Variants in PSEN2 observed in about 807,000 individuals in gnomAD.
PSEN2 encodes presenilin 2, also known as presenilin-2.
Under a neutral mutation model 49.1 loss-of-function variants are expected in PSEN2, and 32 were observed. That is an observed-to-expected ratio of 0.65 (90% CI 0.49 to 0.88). The LOEUF (loss-of-function observed/expected upper bound fraction) is 0.88. PSEN2 is among the 40% of genes least tolerant of loss of function. The pLI is 0.00. For synonymous variants in PSEN2, 255 were observed against 244.0 expected (o/e 1.05, Z -0.42); for missense variants, 522 against 586.9 (o/e 0.89, Z 1.14).
downstream of PSEN2, chr1:226,898,153 C>T (rs1196009832): frequency 6.6e-6 from 1 of 152,186 alleles, no homozygotes; most frequent in Non-Finnish European, 1.5e-5. Context: ...CGGGGTTTCA[C>T]CACGTTAGCC....
Position 226,894,101 on chromosome 1 carries a change from G to A in PSEN2, c.1167G>A (p.Leu389=), listed in dbSNP as rs781506963. Residue 389 remains leucine (L), a synonymous_variant, in exon 12 of 13, where the codon CTG becomes CTA. Transcript: ENST00000366783. Reference sequence around the variant, plus strand: ...GCAGCGGGGACTGGAATACCACGCTGGCCTGCTTCGTGGCCATCCTCATTG... The same window carrying A: ...GCAGCGGGGACTGGAATACCACGCTAGCCTGCTTCGTGGCCATCCTCATTG... ...ATGSGDWNTT[L]ACFVAILIGL... 1.9e-5 allele frequency: 31 copies of A among 1,614,064 alleles called. No individual in the cohort carries two copies. The highest frequency in any genetic ancestry group is 2.6e-5 in the Non-Finnish European group (31 of 1,180,010).
intron 5 of PSEN2, 24 bp downstream of exon 5, chr1:226,883,943 C>G: frequency 3.5e-6 from 4 of 1,158,186 alleles, no homozygotes; most frequent in South Asian, 2.4e-5. Flanking sequence ...CTGGGGGGAG[C>G]AGGGTGGGGT....
In PSEN2 at chr1:226,891,765, T is replaced by G. The variant is rs200044441; in HGVS notation, c.993T>G (p.Phe331Leu). ...CAGAAGAAGACTCCTATGACAGTTTTGGGGAGCCTTCATACCCCGAAGTCT... is the reference window on the plus strand; with the variant it reads ...CAGAAGAAGACTCCTATGACAGTTTGGGGGAGCCTTCATACCCCGAAGTCT... ...PEMEEDSYDS[F>L]GEPSYPEVFE... The change falls in exon 11 of 13, where the codon TTT becomes TTG. Residue 331 changes from phenylalanine to leucine, a missense_variant. By Grantham distance (22) the Phe-to-Leu change is conservative. Transcript: ENST00000366783. 6.2e-7 allele frequency: 1 copy of G among 1,614,124 alleles called. No homozygotes were observed.
chr1:226,890,635 C>G (rs1487476169), intron 9 of PSEN2: 2 of 224,674 alleles, frequency 8.9e-6, no homozygotes, highest in Admixed American at 1.0e-4. Context: ...AAAGGCACAT[C>G]AAGTCCCCAT....
chr1:226,893,914 C>A, intron 11 of PSEN2, 93 bp from the exon 12 acceptor site: 1 of 1,135,158 alleles, frequency 8.8e-7, no homozygotes, highest in Non-Finnish European at 1.3e-6. Context: ...CTGGGCTGGG[C>A]AAGAGCAGCT....
intron 3 of PSEN2, among the ~76,000 whole-genome samples, chr1:226,878,407 T>C (rs1660769153): frequency 6.6e-6 from 1 of 152,130 alleles, no homozygotes; most frequent in Non-Finnish European, 1.5e-5. Context: ...GACGTGGGAA[T>C]TGTAAGGAAC....
intron 6 of PSEN2, among the ~76,000 whole-genome samples, chr1:226,887,245 G>A (rs1322178543): frequency 1.3e-5 from 2 of 152,208 alleles, no homozygotes; most frequent in African/African-American, 4.8e-5. Flanking sequence ...GGGCAGCCAG[G>A]TGGTGGCTGG....
intron 3 of PSEN2, among the ~76,000 whole-genome samples, chr1:226,879,363 A>C (rs1660833642): frequency 6.6e-6 from 1 of 152,134 alleles, no homozygotes; most frequent in Non-Finnish European, 1.5e-5. Flanking sequence ...ACTCTGAGTG[A>C]AGAGGGAGGA....
downstream of PSEN2, among the ~76,000 whole-genome samples, chr1:226,901,434 CAAAAA>C (rs71179182): frequency 1.7e-5 from 2 of 117,756 alleles, no homozygotes; most frequent in African/African-American, 3.6e-5. Context: ...GAAACTGTCT[CAAAAA>C]AAAAAAAAAA....
At chr1:226,894,396 A>G (rs977657949) in intron 12 of PSEN2, among the ~76,000 whole-genome samples, 3 of 152,242 alleles carry the variant, frequency 2.0e-5, no homozygotes. Context: ...CACAGCCTCC[A>G]GGCCGAGGAC....
intron 3 of PSEN2, among the ~76,000 whole-genome samples, chr1:226,878,773 C>T (rs1292845444): frequency 1.3e-5 from 2 of 152,192 alleles, no homozygotes; most frequent in Non-Finnish European, 2.9e-5. Context: ...AACTGTCATA[C>T]TAGAAAAGGA....
intron 6 of PSEN2, among the ~76,000 whole-genome samples, chr1:226,887,817 T>C (rs1661461742): frequency 6.6e-6 from 1 of 152,220 alleles, no homozygotes; most frequent in East Asian, 1.9e-4. Flanking sequence ...ATTACCTTTC[T>C]AAGTGAACCA....
At chr1:226,880,805 C>G in intron 3 of PSEN2, 1 of 1,590,434 alleles carries the variant, frequency 6.3e-7, no homozygotes, top group Non-Finnish European at 8.6e-7. Context: ...CCTCCTGTCC[C>G]CTTGGCCTTG....
intron 7 of PSEN2, 102 bp downstream of exon 7, chr1:226,888,260 T>C: frequency 1.8e-6 from 2 of 1,110,818 alleles, no homozygotes; most frequent in Non-Finnish European, 2.7e-6. Flanking sequence ...ACCATCGAGC[T>C]CCAGTCTTCC....
downstream of PSEN2, among the ~76,000 whole-genome samples, chr1:226,897,356 G>A (rs1662184705): frequency 6.6e-6 from 1 of 152,174 alleles, no homozygotes; most frequent in Non-Finnish European, 1.5e-5. Context: ...GGGTTGCTGG[G>A]TGGAGACCAC....
rs200164062 is a variant in PSEN2, at chr1:226,895,582, G to T, written c.*3G>T. ...CCTCCCATCAGCTCTACATCTGAGGGACATGGTGTGCCACAGGCTGCAAGC... is the reference window on the plus strand; with the variant it reads ...CCTCCCATCAGCTCTACATCTGAGGTACATGGTGTGCCACAGGCTGCAAGC... On this transcript the variant is annotated 3_prime_UTR_variant, in exon 13 of 13. Transcript: ENST00000366783. 2 of 1,610,314 alleles carry T rather than the reference G, an allele frequency of 1.2e-6. No homozygotes were observed. The highest frequency in any genetic ancestry group is 3.4e-5 in the Admixed American group (2 of 59,488).
At chr1:226,900,203 G>A (rs1035257786), downstream of PSEN2, among the ~76,000 whole-genome samples, 1 of 152,160 alleles carries the variant, frequency 6.6e-6, no homozygotes, top group Admixed American at 6.5e-5. Flanking sequence ...TCCATCCTGG[G>A]GTTAAAATGA....
At chr1:226,877,388 A>G (rs887976509) in intron 3 of PSEN2, among the ~76,000 whole-genome samples, 6 of 152,202 alleles carry the variant, frequency 3.9e-5, no homozygotes, top group African/African-American at 1.4e-4. Flanking sequence ...CATGGGGAAG[A>G]ATAGTAGCAC....
chr1:226,893,982 C>T lies in PSEN2; in HGVS notation c.1073-25C>T, dbSNP rs775674310. 89 of 1,572,124 alleles carry T rather than the reference C, an allele frequency of 5.7e-5. No homozygotes were observed. The East Asian group carries it at 1.2e-3, about 21-fold the overall frequency. The stretch of plus-strand genomic sequence containing the variant: ...CCATTCTGTGCACGCCTCTTCAGTA[C>T]GGGTTACTGTCTCTCCTCACACAGG... On this transcript the variant is annotated intron_variant, in intron 11 of 12. Coordinates refer to ENST00000366783, the MANE Select transcript of PSEN2 (RefSeq NM_000447.3).
Sources: allele counts gnomAD v4.1 joint callset (sites outside exome capture counted in the v4.1 genomes callset), GRCh38; gene constraint gnomAD v4.1.1; transcripts MANE v1.5; gene names NCBI Gene and HGNC (gene_info 2026-07-23, HGNC 2026-07-21).